Variants in MAST2 observed in about 807,000 individuals in gnomAD.
MAST2 encodes the protein microtubule associated serine/threonine kinase 2.
MAST2 carries 70 observed loss-of-function variants against 147.4 expected under a neutral mutation model. That is an observed-to-expected ratio of 0.47 (90% CI 0.39 to 0.58). The LOEUF (loss-of-function observed/expected upper bound fraction) is 0.58. Among genes scored for constraint, MAST2 ranks in the 20% least tolerant of loss-of-function variants. MAST2 has a pLI of 0.00. For synonymous variants in MAST2, 869 were observed against 896.8 expected (o/e 0.97, Z 0.55); for missense variants, 2,080 against 2,302.3 (o/e 0.90, Z 1.98).
At chr1:45,970,934 C>T (rs960407859) in intron 5 of MAST2, among the ~76,000 whole-genome samples, 1 of 150,870 alleles carries the variant, frequency 6.6e-6, no homozygotes, top group Non-Finnish European at 1.5e-5. Flanking sequence ...TAGAGTATTT[C>T]ATTGTATAAC....
chr1:45,854,759 ATT>A (rs1028973237), intron 3 of MAST2, among the ~76,000 whole-genome samples: 37 of 152,256 alleles, frequency 2.4e-4, no homozygotes, highest in African/African-American at 8.9e-4. Context: ...GTGCCTTATA[ATT>A]TAACTCAACT....
chr1:45,878,441 A>G (rs1426346323), intron 3 of MAST2, among the ~76,000 whole-genome samples: 4 of 152,180 alleles, frequency 2.6e-5, no homozygotes, highest in African/African-American at 9.6e-5. Context: ...TATAACTAAC[A>G]TAATATTAAA....
chr1:45,831,389 A>G (rs974361533), intron 3 of MAST2, among the ~76,000 whole-genome samples: 7 of 152,112 alleles, frequency 4.6e-5, no homozygotes, highest in Admixed American at 3.9e-4. Flanking sequence ...AGTAGCGGGG[A>G]GGATGTCTTT....
intron 3 of MAST2, among the ~76,000 whole-genome samples, chr1:45,838,424 T>C (rs1041254608): frequency 1.3e-5 from 2 of 151,766 alleles, no homozygotes; most frequent in Admixed American, 6.6e-5. Flanking sequence ...GGTTTTGCCA[T>C]GTTGGCCAGG....
chr1:46,002,890 A>G lies in MAST2; in HGVS notation c.747+7A>G. 1.2e-6 allele frequency: 2 copies of G among 1,613,826 alleles called. No homozygotes were observed. Among genetic ancestry groups the G allele is most frequent in the Non-Finnish European group, 1.7e-6 (2 of 1,179,736 alleles). ...TCCTAGCTCCACTGTCTCAGTAAGT[A>G]GCCAAATCTGTGGCCATACTTCCTT... On this transcript the variant is annotated splice_region_variant and intron_variant, in intron 7 of 28. Transcript: ENST00000361297.
chr1:45,913,771 T>A, intron 4 of MAST2: 1 of 1,112,794 alleles, frequency 9.0e-7, no homozygotes, highest in Non-Finnish European at 1.1e-6. Flanking sequence ...ATACCCCTTG[T>A]GTGAGAGAAC....
At position 45,882,394 on chromosome 1, in the gene MAST2, T is replaced by C. The variant is rs746410267; in HGVS notation, c.499T>C (p.Phe167Leu). 1.9e-6 allele frequency: 3 copies of C among 1,611,018 alleles called. No individual in the cohort carries two copies. Among genetic ancestry groups the C allele is most frequent in the African/African-American group, 2.7e-5 (2 of 74,866 alleles). ...GTTGAGCCTTCCAAGAAGAGGCAGC[T>C]TGTAAGTAGATGATTATTACCATTA... ...KELSLPRRGS[F>L]CRTSNRKSLI... Residue 167 changes from phenylalanine to leucine, a missense_variant and splice_region_variant, in exon 4 of 29, where the codon TTT becomes CTT. Physicochemically the swap from Phe to Leu is conservative, Grantham distance 22. Coordinates refer to ENST00000361297, the MANE Select transcript of MAST2 (RefSeq NM_015112.3).
intron 3 of MAST2, among the ~76,000 whole-genome samples, chr1:45,845,917 T>C (rs1348541914): frequency 2.6e-5 from 4 of 152,116 alleles, no homozygotes; most frequent in Non-Finnish European, 4.4e-5. Context: ...CCCACCACCA[T>C]GCCCGGCTAG....
chr1:45,988,450 A>G (rs1051547963), intron 5 of MAST2, among the ~76,000 whole-genome samples: 2 of 152,370 alleles, frequency 1.3e-5, no homozygotes, highest in Middle Eastern at 3.4e-3. Flanking sequence ...GTCAGAAAAC[A>G]TATTTTATAT....
In MAST2 at chr1:46,034,545, G is replaced by A. The variant is rs771641349; in HGVS notation, c.3876G>A (p.Gly1292=). Residue 1292 remains glycine, a synonymous_variant, in exon 29 of 29, where the codon GGG becomes GGA. Coordinates refer to ENST00000361297, the MANE Select transcript of MAST2 (RefSeq NM_015112.3). ...GTCTGTCTCTGTACAAAGTGGGAGG[G>A]AATTCATCACAGAGCAGCTCCCCCA... is the stretch of plus-strand genomic sequence containing the variant. The part of the protein sequence containing the change: ...VTPDAVHSVG[G]NSSQSSSPSS... 2.5e-6 allele frequency: 4 copies of A among 1,612,632 alleles called. No individual in the cohort carries two copies. Among genetic ancestry groups the A allele is most frequent in the Non-Finnish European group, 1.7e-6 (2 of 1,179,390 alleles).
At chr1:45,851,008 A>G (rs1645608232) in intron 3 of MAST2, among the ~76,000 whole-genome samples, 1 of 152,060 alleles carries the variant, frequency 6.6e-6, no homozygotes, top group African/African-American at 2.4e-5. Flanking sequence ...GAAAAATGAC[A>G]TTGGTAGTTT....
At chr1:45,871,337 A>G (rs559617899) in intron 3 of MAST2, among the ~76,000 whole-genome samples, 7 of 151,572 alleles carry the variant, frequency 4.6e-5, no homozygotes, top group African/African-American at 9.7e-5. Flanking sequence ...CACTACAAGC[A>G]CTCCATGTCT....
At position 46,022,948 on chromosome 1, in the gene MAST2, C is replaced by G; in HGVS notation, c.1462C>G (p.Pro488Ala). 6.2e-6 allele frequency: 10 copies of G among 1,614,142 alleles called. No individual in the cohort carries two copies. Among genetic ancestry groups the G allele is most frequent in the Non-Finnish European group, 8.5e-6 (10 of 1,180,006 alleles). The change falls in exon 13 of 29, where the codon CCA (proline) becomes GCA (alanine). Residue 488 changes from proline (P) to alanine (A), a missense_variant. Pro to Ala is a conservative substitution (Grantham distance 27). Transcript: ENST00000361297. ...GAGCAGCTGTGACAGTCCTGACACT[C>G]CAGAGACAGATGATTCTATTGAGGT... is the stretch of plus-strand genomic sequence containing the variant. ...QLSSCDSPDTPETDDSIEGHG... is the reference protein window; with the variant it reads ...QLSSCDSPDTAETDDSIEGHG...
intron 6 of MAST2, among the ~76,000 whole-genome samples, chr1:46,000,229 A>G (rs1571148386): frequency 1.3e-5 from 2 of 152,250 alleles, no homozygotes; most frequent in South Asian, 2.1e-4. Context: ...CAGGAGAATC[A>G]CTTGAATCCG....
intron 3 of MAST2, among the ~76,000 whole-genome samples, chr1:45,851,894 G>C (rs1349923690): frequency 1.3e-5 from 2 of 151,960 alleles, no homozygotes; most frequent in Non-Finnish European, 2.9e-5. Flanking sequence ...GGCATTTTGG[G>C]AATAAAGTAA....
At chr1:45,819,366 AATTAG>A (rs1233171636) in intron 1 of MAST2, among the ~76,000 whole-genome samples, 1 of 152,210 alleles carries the variant, frequency 6.6e-6, no homozygotes, top group African/African-American at 2.4e-5. Flanking sequence ...TAACTATGGT[AATTAG>A]ACAAGAAAAA....
intron 10 of MAST2, chr1:46,011,191 C>T (rs770162304): frequency 5.5e-5 from 27 of 494,484 alleles, no homozygotes; most frequent in South Asian, 3.0e-4. Flanking sequence ...TGTTGTATTA[C>T]GCGAAGCTCC....
chr1:45,857,563 C>T (rs1229569456), intron 3 of MAST2, among the ~76,000 whole-genome samples: 1 of 152,148 alleles, frequency 6.6e-6, no homozygotes, highest in African/African-American at 2.4e-5. Context: ...CCTGATGAGT[C>T]TCTGAGACTG....
intron 3 of MAST2, among the ~76,000 whole-genome samples, chr1:45,868,835 A>G (rs941160240): frequency 3.9e-5 from 6 of 152,228 alleles, no homozygotes; most frequent in African/African-American, 1.4e-4. Flanking sequence ...GGCTGATGAC[A>G]TGGATAAAAA....
Sources: allele counts gnomAD v4.1 joint callset (sites outside exome capture counted in the v4.1 genomes callset), GRCh38; gene constraint gnomAD v4.1.1; transcripts MANE v1.5; gene names NCBI Gene and HGNC (gene_info 2026-07-23, HGNC 2026-07-21).